The following RPL24 variants were observed in gnomAD, a reference collection of about 807,000 sequenced individuals.
RPL24 encodes large ribosomal subunit protein eL24.
A neutral mutation model predicts 26.4 loss-of-function variants in RPL24; 7 were observed. The ratio of observed to expected loss-of-function variants is 0.27; its 90% confidence interval spans 0.15 to 0.50. The LOEUF is 0.50. RPL24 is among the 20% of genes least tolerant of loss of function. The pLI is 0.98. For synonymous variants in RPL24, 67 were observed against 65.2 expected, an observed-to-expected ratio of 1.03 and a Z score of -0.13; for missense variants, 109 against 194.9, an observed-to-expected ratio of 0.56 and a Z score of 2.62.
intron 3 of RPL24, among the ~76,000 whole-genome samples, chr3:101,683,554 A>G (rs1293010894): frequency 1.3e-5 from 2 of 152,182 alleles, no homozygotes; most frequent in Non-Finnish European, 2.9e-5. Flanking sequence ...GAAAGATGCA[A>G]TCTTATTGTT....
chr3:101,684,776 C>CAAA lies in RPL24; in HGVS notation c.192+1039_192+1041dup, dbSNP rs57278210. On this transcript the variant is annotated intron_variant, in intron 3 of 5. Transcript: ENST00000394077. ...CTGAGCAACAGAGGACCTGTCTCCC[C>CAAA]AAAAAAAAAAAAAAAAAAAAAAAAA... Among the ~76,000 whole-genome samples, 95 of 53,208 alleles carry CAAA rather than the reference C, an allele frequency of 1.8e-3. 12 individuals carry two copies. Among genetic ancestry groups the CAAA allele is most frequent in the African/African-American group, 3.0e-3 (37 of 12,336 alleles). 34.9% of individuals were successfully genotyped at this position (53,208 alleles called of 152,430 possible).
chr3:101,683,022 C>CA, intron 3 of RPL24, 115 bp from the exon 4 acceptor site: 3 of 901,546 alleles, frequency 3.3e-6, no homozygotes, highest in Middle Eastern at 2.3e-4. Context: ...TCATATTCAA[C>CA]AAAAAATAAT....
At chr3:101,686,077 A>G (rs549246787) in intron 2 of RPL24, 149 bp from the exon 3 acceptor site, 14 of 606,146 alleles carry the variant, frequency 2.3e-5, no homozygotes, top group South Asian at 2.2e-4. Context: ...GCTGTCACAT[A>G]ACTGGCAGGT....
At chr3:101,685,668 T>G (rs1317120858) in intron 3 of RPL24, 150 bp downstream of exon 3, 1 of 494,360 alleles carries the variant, frequency 2.0e-6, no homozygotes, top group Non-Finnish European at 3.7e-6. Flanking sequence ...AGAGACAGTT[T>G]ATAATATCTT....
At chr3:101,685,790 C>A in intron 3 of RPL24, 28 bp downstream of exon 3, 2 of 1,286,394 alleles carry the variant, frequency 1.6e-6, no homozygotes, top group South Asian at 1.2e-5. Flanking sequence ...AAGAGATAGC[C>A]CCCAACATCA....
Position 101,686,703 on chromosome 3 carries a change from G to C in RPL24, c.-27C>G. ...GCGACAGCTCCACGGAAAGACAAAA[G>C]ATGGCGAAAAGAAAGAGAGAATCAT... On this transcript the variant is annotated 5_prime_UTR_variant, in exon 1 of 6. The change creates a new upstream start codon in the 5' untranslated region. Coordinates refer to ENST00000394077, the MANE Select transcript of RPL24 (RefSeq NM_000986.4). The C allele has an allele frequency of 6.2e-7, 1 of 1,614,152 alleles. No homozygotes were observed. Among genetic ancestry groups the C allele is most frequent in the Admixed American group, 1.7e-5 (1 of 60,030 alleles).
chr3:101,682,685 A>C, intron 4 of RPL24, 86 bp downstream of exon 4: 14 of 1,342,036 alleles, frequency 1.0e-5, no homozygotes, highest in East Asian at 2.3e-5. Flanking sequence ...ACATATATTA[A>C]TCTATATGGT....
intron 3 of RPL24, among the ~76,000 whole-genome samples, chr3:101,683,672 A>G (rs1937290498): frequency 6.6e-6 from 1 of 151,790 alleles, no homozygotes; most frequent in Non-Finnish European, 1.5e-5. Flanking sequence ...GTAAAAATGT[A>G]AAGTTGACAA....
intron 5 of RPL24, chr3:101,681,514 G>C: frequency 3.2e-6 from 1 of 314,774 alleles, no homozygotes; most frequent in South Asian, 4.6e-5. Context: ...ACAGTACAGT[G>C]TTTACTCAGC....
At chr3:101,686,449 A>G (rs1937343805) in intron 2 of RPL24, 33 bp downstream of exon 2, 5 of 1,596,382 alleles carry the variant, frequency 3.1e-6, no homozygotes, top group Non-Finnish European at 4.3e-6. Context: ...CTCGGAGTAC[A>G]AGAAGGTAGG....
rs764455969 is a variant in RPL24, at chr3:101,681,234, A to G, written c.394-19T>C. ...TAGGTGCCTGTAAAAAGATAACACA[A>G]TATTACTCCACAAAACTTTTGTTAC... On this transcript the variant is annotated intron_variant, in intron 5 of 5. Transcript: ENST00000394077. The G allele has an allele frequency of 2.9e-5, 46 of 1,573,650 alleles. No individual in the cohort carries two copies. The highest frequency in any genetic ancestry group is 2.9e-4 in the East Asian group (13 of 44,706).
chr3:101,685,193 T>G (rs1264049983), intron 3 of RPL24, among the ~76,000 whole-genome samples: 1 of 152,100 alleles, frequency 6.6e-6, no homozygotes, highest in East Asian at 1.9e-4. Context: ...TTTTCCTGAA[T>G]AGTCACCCTA....
intron 3 of RPL24, among the ~76,000 whole-genome samples, chr3:101,684,111 G>C (rs1045785736): frequency 1.1e-4 from 16 of 151,912 alleles, no homozygotes; most frequent in African/African-American, 3.9e-4. Flanking sequence ...CTCTTGCCTG[G>C]GCCTCCCAAA....
intron 3 of RPL24, among the ~76,000 whole-genome samples, chr3:101,683,635 G>A (rs957250151): frequency 5.3e-5 from 8 of 151,400 alleles, no homozygotes; most frequent in African/African-American, 1.2e-4. Flanking sequence ...TGTCTCAAAC[G>A]AACACTTAAA....
In RPL24 at chr3:101,683,579, G is replaced by A. The variant is rs546649373; in HGVS notation, c.193-672C>T. Among the ~76,000 whole-genome samples the A allele has an allele frequency of 5.3e-5, 8 of 151,614 alleles. No homozygotes were observed. The South Asian group carries it at 1.7e-3, about 32-fold the overall frequency. On this transcript the variant is annotated intron_variant, in intron 3 of 5. Coordinates refer to ENST00000394077, the MANE Select transcript of RPL24 (RefSeq NM_000986.4). ...ATCTTATTGTTTCTACAGTAAAATG[G>A]CAGTTTTTCTACAGTAAATGGCAGT...
chr3:101,683,699 TTTC>T (rs1479391505), intron 3 of RPL24, among the ~76,000 whole-genome samples: 1 of 149,822 alleles, frequency 6.7e-6, no homozygotes, highest in Non-Finnish European at 1.5e-5. Context: ...CCTTTTGGTT[TTTC>T]TTTTCTTTTT....
At chr3:101,682,565 T>C in intron 4 of RPL24, 73 bp from the exon 5 acceptor site, 6 of 1,292,132 alleles carry the variant, frequency 4.6e-6, no homozygotes, top group African/African-American at 4.4e-5. Flanking sequence ...AGAGTTAGAC[T>C]GTACTGGACA....
intron 3 of RPL24, among the ~76,000 whole-genome samples, chr3:101,683,868 C>G (rs964751959): frequency 6.6e-6 from 1 of 152,002 alleles, no homozygotes; most frequent in Non-Finnish European, 1.5e-5. Flanking sequence ...ACCGCCACCA[C>G]GCCCGGCTAA....
In RPL24 at chr3:101,686,709, G is replaced by GAA; in HGVS notation, c.-35_-34dup. Reference sequence around the variant, plus strand: ...GCTCCACGGAAAGACAAAAGATGGCGAAAAGAAAGAGAGAATCATGGGAAG... The same window carrying GAA: ...GCTCCACGGAAAGACAAAAGATGGCGAAAAAAGAAAGAGAGAATCATGGGAAG... On this transcript the variant is annotated 5_prime_UTR_variant, in exon 1 of 6. Coordinates refer to ENST00000394077, the MANE Select transcript of RPL24 (RefSeq NM_000986.4). 1 of 1,613,952 alleles carries GAA rather than the reference G, an allele frequency of 6.2e-7. No individual in the cohort carries two copies. The highest frequency in any genetic ancestry group is 1.3e-5 in the African/African-American group (1 of 75,068).
Sources: gnomAD v4.1 joint callset for allele counts (sites outside exome capture counted in the v4.1 genomes callset) on GRCh38, gnomAD v4.1.1 for gene constraint, MANE v1.5 for transcripts, NCBI Gene and HGNC (gene_info 2026-07-23, HGNC 2026-07-21) for gene names.